Variants in STARD9 observed in about 807,000 individuals in gnomAD.
STARD9 encodes StAR related lipid transfer domain containing 9.
In STARD9, 346 loss-of-function variants were observed where a neutral mutation model predicts 399.8. That is an observed-to-expected ratio of 0.87 (90% CI 0.79 to 0.95). STARD9 has a LOEUF of 0.95. Among genes scored for constraint, STARD9 ranks in the 40% least tolerant of loss-of-function variants. The pLI, the probability that STARD9 is intolerant of heterozygous loss-of-function variation, is 0.00. For synonymous variants in STARD9, 2,203 were observed against 2,143.5 expected (o/e 1.03, Z -0.77); for missense variants, 5,832 against 5,667.5 (o/e 1.03, Z -0.93).
chr15:42,577,004 G>T (rs760057838), intron 1 of STARD9, among the ~76,000 whole-genome samples: 2 of 151,982 alleles, frequency 1.3e-5, no homozygotes, highest in Non-Finnish European at 2.9e-5. Context: ...GGCTGGGGGG[G>T]GTTTTATAAG....
chr15:42,683,201 T>G (rs1448878422), intron 22 of STARD9, among the ~76,000 whole-genome samples: 1 of 152,272 alleles, frequency 6.6e-6, no homozygotes, highest in Non-Finnish European at 1.5e-5. Flanking sequence ...CCATAGGACG[T>G]TCACAATTAA....
intron 1 of STARD9, chr15:42,581,508 G>A (rs2058169468): frequency 2.7e-6 from 4 of 1,461,270 alleles, no homozygotes; most frequent in African/African-American, 1.4e-5. Flanking sequence ...CGCGGGCTCT[G>A]GGCTTTGTGT....
rs1229973942 is a variant in STARD9 at position 42,606,604 on chromosome 15, C to T, written c.234+20967C>T. 3.3e-5 allele frequency among the ~76,000 whole-genome samples: 5 copies of T among 151,358 alleles called. No homozygotes were observed. The South Asian group carries it at 6.3e-4, about 19-fold the overall frequency. ...CCAAGTACCTGGGAACACAGGTGCG[C>T]ACCACCACACCCAGCTAATTTTTGT... On this transcript the variant is annotated intron_variant, in intron 3 of 32. Coordinates refer to ENST00000290607, the MANE Select transcript of STARD9 (RefSeq NM_020759.3).
In STARD9 at chr15:42,691,827, C is replaced by T; in HGVS notation, c.10249C>T (p.Pro3417Ser). 6.5e-7 allele frequency: 1 copy of T among 1,537,290 alleles called. No individual in the cohort carries two copies. The highest frequency in any genetic ancestry group is 1.2e-5 in the South Asian group (1 of 84,062). Residue 3417 changes from proline to serine, a missense_variant, in exon 23 of 33, where the codon CCA becomes TCA. This residue lies in a region of STARD9 where 5,828 missense variants were observed against 5,651.1 expected (regional missense o/e 1.03). Transcript: ENST00000290607. ...AATGCCTTCCACTCTCTCACACATG[C>T]CAACCCCTGATTTCACGACCAGCTG... ...YPMPSTLSHM[P>S]TPDFTTSWMS...
intron 4 of STARD9, among the ~76,000 whole-genome samples, chr15:42,636,543 T>C (rs1375894852): frequency 1.3e-5 from 2 of 152,032 alleles, no homozygotes; most frequent in East Asian, 3.9e-4. Flanking sequence ...ATTGTGCCAT[T>C]GCACTCCAGC....
chr15:42,598,266 C>T (rs572054086), intron 3 of STARD9, among the ~76,000 whole-genome samples: 443 of 138,194 alleles, frequency 3.2e-3, no homozygotes, highest in African/African-American at 0.011. Context: ...CTCCTGACCT[C>T]GTGATCTGCC....
Position 42,690,152 on chromosome 15 carries a change from T to G in STARD9, c.8574T>G (p.Pro2858=). 3.9e-6 allele frequency: 6 copies of G among 1,537,838 alleles called. No individual in the cohort carries two copies. The highest frequency in any genetic ancestry group is 5.2e-6 in the Non-Finnish European group (6 of 1,147,046). The change falls in exon 23 of 33, where the codon CCT becomes CCG. Residue 2858 remains proline (P), a synonymous_variant. Transcript: ENST00000290607. ...GTCCCAAACAAGATACCATTCTGCCTGGAGCTCTGACAAGGGTTGCACTGG... is the reference window on the plus strand; with the variant it reads ...GTCCCAAACAAGATACCATTCTGCCGGGAGCTCTGACAAGGGTTGCACTGG... The part of the protein sequence containing the change: ...RASPKQDTIL[P]GALTRVALEA...
Position 42,690,521 on chromosome 15 carries a change from C to A in STARD9, c.8943C>A (p.Asp2981Glu), listed in dbSNP as rs1271323311. Residue 2981 changes from aspartate (D) to glutamate (E), a missense_variant, in exon 23 of 33, where the codon GAC (aspartate) becomes GAA (glutamate). Physicochemically the swap from Asp to Glu is conservative, Grantham distance 45. This residue lies in a region of STARD9 where 5,828 missense variants were observed against 5,651.1 expected (regional missense o/e 1.03). Transcript: ENST00000290607. ...SSTLLCFRDG[D>E]LGKEPFKAAP... ...CTTTACTGTGTTTTAGAGATGGTGA[C>A]CTAGGGAAGGAGCCTTTCAAGGCTG... is the stretch of plus-strand genomic sequence containing the variant. 1 of 1,537,014 alleles carries A rather than the reference C, an allele frequency of 6.5e-7. No homozygotes were observed. The highest frequency in any genetic ancestry group is 1.4e-5 in the African/African-American group (1 of 73,024).
intron 1 of STARD9, among the ~76,000 whole-genome samples, chr15:42,576,573 G>A (rs1026127342): frequency 6.6e-6 from 1 of 152,164 alleles, no homozygotes; most frequent in African/African-American, 2.4e-5. Flanking sequence ...GTTTTGGTGG[G>A]GAAAGGGTGG....
In STARD9 at chr15:42,686,153, C is replaced by G. The variant is rs528582645; in HGVS notation, c.4575C>G (p.Ser1525Arg). 4.6e-6 allele frequency: 7 copies of G among 1,537,376 alleles called. No individual in the cohort carries two copies. The East Asian group carries it at 1.5e-4, about 32-fold the overall frequency. ...EDSGSLAQAS[S>R]KGGDTLLPVG... ...CTGGTTCCCTGGCCCAAGCTTCTAG[C>G]AAAGGAGGAGATACTCTATTGCCAG... Residue 1525 changes from serine to arginine, a missense_variant, in exon 23 of 33, where the codon AGC (serine) becomes AGG (arginine). Transcript: ENST00000290607.
chr15:42,652,408 G>C lies in STARD9; in HGVS notation c.630-112G>C, dbSNP rs2059780471. ...ACTGGACTAAATATGTGTGTTTTAT[G>C]ATTCTTGTCGGTGAACCTCAGCACT... On this transcript the variant is annotated intron_variant, in intron 8 of 32. Coordinates refer to ENST00000290607, the MANE Select transcript of STARD9 (RefSeq NM_020759.3). The C allele has an allele frequency of 5.6e-6, 5 of 887,490 alleles. No individual in the cohort carries two copies. The East Asian group carries it at 1.3e-4, about 23-fold the overall frequency. 55.0% of individuals were successfully genotyped at this position (887,490 alleles called of 1,614,324 possible). A position where few individuals can be genotyped will look rare whatever the true frequency, so the allele number is the denominator to read the frequency against.
intron 9 of STARD9, among the ~76,000 whole-genome samples, chr15:42,659,488 A>G (rs1196667833): frequency 6.6e-6 from 1 of 152,106 alleles, no homozygotes; most frequent in Non-Finnish European, 1.5e-5. Flanking sequence ...ATGGTATAGC[A>G]ACTTTGGAAA....
At chr15:42,654,092 C>A (rs543048665) in intron 9 of STARD9, among the ~76,000 whole-genome samples, 13 of 152,204 alleles carry the variant, frequency 8.5e-5, no homozygotes, top group African/African-American at 3.1e-4. Flanking sequence ...ATCAACATTT[C>A]TTCTGCCTCC....
chr15:42,682,570 A>C lies in STARD9; in HGVS notation c.2532A>C (p.Leu844=), dbSNP rs1481184980. The change falls in exon 22 of 33, where the codon CTA becomes CTC. Residue 844 remains leucine, a synonymous_variant. Transcript: ENST00000290607. ...QRLCSKHMPQ[L]HSIFLSWDPS... ...TCTGCAGCAAGCACATGCCCCAGCT[A>C]CACAGGTACAGCCAGTAGTTGTCAC... 2 of 1,534,770 alleles carry C rather than the reference A, an allele frequency of 1.3e-6. No individual in the cohort carries two copies.
chr15:42,588,598 C>G (rs1449205018), intron 3 of STARD9, among the ~76,000 whole-genome samples: 1 of 152,016 alleles, frequency 6.6e-6, no homozygotes, highest in Non-Finnish European at 1.5e-5. Context: ...GGACTCATAT[C>G]TACATGATAC....
At chr15:42,676,432 T>C (rs2060313314) in intron 20 of STARD9, among the ~76,000 whole-genome samples, 1 of 152,162 alleles carries the variant, frequency 6.6e-6, no homozygotes, top group Admixed American at 6.5e-5. Context: ...TTTTTAAAGA[T>C]AGTGTGTGAC....
At chr15:42,673,470 T>C (rs568887005) in intron 16 of STARD9, among the ~76,000 whole-genome samples, 1 of 152,266 alleles carries the variant, frequency 6.6e-6, no homozygotes, top group African/African-American at 2.4e-5. Context: ...TCGAAAAAGC[T>C]GCAGGGGCTT....
intron 26 of STARD9, among the ~76,000 whole-genome samples, chr15:42,700,429 C>T (rs1292932146): frequency 6.6e-6 from 1 of 152,198 alleles, no homozygotes; most frequent in Non-Finnish European, 1.5e-5. Flanking sequence ...TGTCGACATC[C>T]TTACCAGCAT....
In STARD9 at chr15:42,684,929, C is replaced by T; in HGVS notation, c.3351C>T (p.Ala1117=). Reference sequence around the variant, plus strand: ...TGGATTCTCTCTCATGTGTCTATGCCAAAGCCCTGATAGAGCCACTGAAGC... The same window carrying T: ...TGGATTCTCTCTCATGTGTCTATGCTAAAGCCCTGATAGAGCCACTGAAGC... The part of the protein sequence containing the change: ...YSLDSLSCVY[A]KALIEPLKPE... Residue 1117 remains alanine, a synonymous_variant, in exon 23 of 33, where the codon GCC becomes GCT. Coordinates refer to ENST00000290607, the MANE Select transcript of STARD9 (RefSeq NM_020759.3). The T allele has an allele frequency of 6.5e-7, 1 of 1,537,024 alleles. No individual in the cohort carries two copies. Among genetic ancestry groups the T allele is most frequent in the Non-Finnish European group, 8.7e-7 (1 of 1,146,920 alleles).
Sources: gnomAD v4.1 joint callset for allele counts (sites outside exome capture counted in the v4.1 genomes callset) on GRCh38, gnomAD v4.1.1 for gene constraint, gnomAD v4.1.1 regional missense constraint, MANE v1.5 for transcripts, NCBI Gene and HGNC (gene_info 2026-07-23, HGNC 2026-07-21) for gene names.